BMERB1: variants seen among roughly 807,000 people sequenced by gnomAD.
The protein encoded by BMERB1 is bMERB domain containing 1, also known as bMERB domain-containing protein 1.
A neutral mutation model predicts 23.6 loss-of-function variants in BMERB1; 12 were observed. The ratio of observed to expected loss-of-function variants is 0.51; its 90% confidence interval spans 0.33 to 0.82. The LOEUF (loss-of-function observed/expected upper bound fraction) is 0.82, where lower values mean the gene tolerates loss of function less well. BMERB1 is among the 40% of genes least tolerant of loss of function. BMERB1 has a pLI of 0.03. For missense variants in BMERB1, 247 were observed against 255.4 expected (o/e 0.97, Z 0.22); for synonymous variants, 122 against 96.6 (o/e 1.26, Z -1.54).
chr16:15,468,489 A>G (rs2150930680), intron 1 of BMERB1, among the ~76,000 whole-genome samples: 1 of 152,136 alleles, frequency 6.6e-6, no homozygotes, highest in South Asian at 2.1e-4. Context: ...TGTTCTATTA[A>G]TAATTCCAAA....
At chr16:15,580,095 A>ATT (rs35772701) in intron 3 of BMERB1, among the ~76,000 whole-genome samples, 14 of 140,942 alleles carry the variant, frequency 9.9e-5, no homozygotes, top group South Asian at 4.6e-4. Flanking sequence ...TGCCCTCTCA[A>ATT]TTTTTTTTTT....
At chr16:15,521,101 C>T (rs2051847970) in intron 2 of BMERB1, among the ~76,000 whole-genome samples, 1 of 152,176 alleles carries the variant, frequency 6.6e-6, no homozygotes, top group African/African-American at 2.4e-5. Flanking sequence ...TTTAGTTGGT[C>T]AGGGAGATGG....
chr16:15,545,566 G>A (rs1376040923), intron 2 of BMERB1, among the ~76,000 whole-genome samples: 3 of 152,156 alleles, frequency 2.0e-5, no homozygotes, highest in Non-Finnish European at 2.9e-5. Flanking sequence ...GTGGGGATGG[G>A]GGCTCAGGAG....
At chr16:15,559,735 AC>A (rs1480013891) in intron 2 of BMERB1, among the ~76,000 whole-genome samples, 1 of 152,122 alleles carries the variant, frequency 6.6e-6, no homozygotes, top group Non-Finnish European at 1.5e-5. Flanking sequence ...GGGTCGGGGG[AC>A]AAGCTTCTTT....
chr16:15,460,787 C>T (rs2051127524), intron 1 of BMERB1, among the ~76,000 whole-genome samples: 1 of 152,066 alleles, frequency 6.6e-6, no homozygotes, highest in South Asian at 2.1e-4. Flanking sequence ...GAGACAGACA[C>T]AGTAACAGAT....
chr16:15,455,323 C>CAAA lies in BMERB1; in HGVS notation c.106+20576_106+20578dup, dbSNP rs34467613. ...TGGGCAACAAATGGAGACTCTGTCT[C>CAAA]AAAAAAAAAAAAAAGAAAAGAAAAG... On this transcript the variant is annotated intron_variant, in intron 1 of 5. Coordinates refer to ENST00000300006, the MANE Select transcript of BMERB1 (RefSeq NM_033201.3). 7.3e-5 allele frequency among the ~76,000 whole-genome samples: 9 copies of CAAA among 122,742 alleles called. 1 individual carries two copies. The highest frequency in any genetic ancestry group is 1.4e-4 in the Non-Finnish European group (8 of 57,424). The allele number at this position is 122,742 out of a possible 152,430, so 80.5% of individuals were successfully genotyped here.
At chr16:15,460,176 G>T (rs1252690931) in intron 1 of BMERB1, among the ~76,000 whole-genome samples, 1 of 152,138 alleles carries the variant, frequency 6.6e-6, no homozygotes, top group Non-Finnish European at 1.5e-5. Flanking sequence ...GGAATTATTG[G>T]AGTAGGTTGA....
chr16:15,469,504 T>C (rs1381612936), intron 1 of BMERB1, among the ~76,000 whole-genome samples: 2 of 152,220 alleles, frequency 1.3e-5, no homozygotes, highest in Non-Finnish European at 2.9e-5. Flanking sequence ...TAGAGTAATA[T>C]CGTTTATGTC....
At chr16:15,584,219 C>G in intron 5 of BMERB1, 2 of 580,618 alleles carry the variant, frequency 3.4e-6, no homozygotes, top group Non-Finnish European at 6.1e-6. Context: ...CAGCGTTTCT[C>G]AAATGTGTTT....
intron 1 of BMERB1, among the ~76,000 whole-genome samples, chr16:15,472,940 A>G (rs114037465): frequency 6.7e-6 from 1 of 150,086 alleles, no homozygotes; most frequent in Non-Finnish European, 1.5e-5. Context: ...GCTCACTGCA[A>G]CCTTTACTTT....
At chr16:15,458,962 C>T (rs1177865741) in intron 1 of BMERB1, among the ~76,000 whole-genome samples, 1 of 151,960 alleles carries the variant, frequency 6.6e-6, no homozygotes, top group African/African-American at 2.4e-5. Context: ...AAAAAATTAT[C>T]CGGGCGTGGT....
chr16:15,505,197 C>T (rs939536530), intron 1 of BMERB1, among the ~76,000 whole-genome samples: 1 of 152,206 alleles, frequency 6.6e-6, no homozygotes, highest in Non-Finnish European at 1.5e-5. Flanking sequence ...ACCTTTCCAA[C>T]GCAAAGGACT....
At chr16:15,560,252 G>T (rs2030379965) in intron 2 of BMERB1, among the ~76,000 whole-genome samples, 1 of 152,196 alleles carries the variant, frequency 6.6e-6, no homozygotes, top group Non-Finnish European at 1.5e-5. Context: ...ACATGCTAAG[G>T]GCAGCCTTGG....
At chr16:15,452,545 G>A (rs538946971) in intron 1 of BMERB1, among the ~76,000 whole-genome samples, 8 of 152,064 alleles carry the variant, frequency 5.3e-5, no homozygotes, top group Non-Finnish European at 1.0e-4. Context: ...AGATCTCTGC[G>A]TTAACCAGAG....
intron 2 of BMERB1, among the ~76,000 whole-genome samples, chr16:15,526,826 A>T (rs1239633390): frequency 2.0e-5 from 3 of 150,782 alleles, no homozygotes; most frequent in Non-Finnish European, 4.4e-5. Flanking sequence ...GCCGTCTAAA[A>T]GTCACACACA....
At chr16:15,475,041 T>C (rs1223893525) in intron 1 of BMERB1, among the ~76,000 whole-genome samples, 1 of 151,852 alleles carries the variant, frequency 6.6e-6, no homozygotes, top group Non-Finnish European at 1.5e-5. Flanking sequence ...GTATGAGGGG[T>C]GGTTGGGATG....
chr16:15,464,415 G>A (rs170194), intron 1 of BMERB1, among the ~76,000 whole-genome samples: 52,185 of 151,688 alleles, frequency 0.34, 10,165 homozygotes, highest in East Asian at 0.56. Flanking sequence ...TTGAGGCCAG[G>A]AGTTCAAGAC....
At chr16:15,443,518 G>C (rs528583582) in intron 1 of BMERB1, among the ~76,000 whole-genome samples, 35 of 152,208 alleles carry the variant, frequency 2.3e-4, no homozygotes, top group Non-Finnish European at 4.4e-4. Context: ...TCCAGCCTGG[G>C]CGACAGTGAG....
intron 1 of BMERB1, among the ~76,000 whole-genome samples, chr16:15,485,259 A>G (rs934579185): frequency 2.0e-5 from 3 of 152,094 alleles, no homozygotes; most frequent in Admixed American, 6.5e-5. Flanking sequence ...CATTCAGAAA[A>G]TGGGTGCTGG....
Sources: allele counts gnomAD v4.1 joint callset (sites outside exome capture counted in the v4.1 genomes callset), GRCh38; gene constraint gnomAD v4.1.1; transcripts MANE v1.5; gene names NCBI Gene and HGNC (gene_info 2026-07-23, HGNC 2026-07-21).